The following NTNG1 variants were observed in gnomAD, a reference collection of about 807,000 sequenced individuals.
The protein encoded by NTNG1 is netrin-G1.
In NTNG1, 16 loss-of-function variants were observed where a neutral mutation model predicts 54.0. The observed-to-expected ratio is 0.30, with a 90% CI of 0.20 to 0.45. The LOEUF (loss-of-function observed/expected upper bound fraction) is 0.45. NTNG1 is among the 20% of genes least tolerant of loss of function. NTNG1 has a pLI of 1.00. For missense variants in NTNG1, 530 were observed against 678.7 expected, an observed-to-expected ratio of 0.78 and a Z score of 2.43; for synonymous variants, 255 against 263.1, an observed-to-expected ratio of 0.97 and a Z score of 0.30.
intron 2 of NTNG1, among the ~76,000 whole-genome samples, chr1:107,285,553 CT>C (rs1665140826): frequency 6.6e-6 from 1 of 152,014 alleles, no homozygotes; most frequent in Non-Finnish European, 1.5e-5. Context: ...AATAAGGCAG[CT>C]TTTTAATATA....
chr1:107,382,214 C>A lies in NTNG1; in HGVS notation c.888-12940C>A, dbSNP rs531606346. 1.6e-4 allele frequency among the ~76,000 whole-genome samples: 25 copies of A among 152,222 alleles called. No homozygotes were observed. In the East Asian group the frequency reaches 4.8e-3, roughly 29 times the overall value. On this transcript the variant is annotated intron_variant, in intron 3 of 7. Transcript: ENST00000370068. ...GTGTGCAAAAGCTACAGCATGCAAC[C>A]TCACTACAACTTAGATATTGCCAGA...
Position 107,174,472 on chromosome 1 carries a change from TC to T in NTNG1, c.246+25634del, listed in dbSNP as rs543471731. ...TGATCCTTTTTGAAAGTTCTTTTGT[TC>T]TTCTGTAGAAGCCATTAGGTTACTT... On this transcript the variant is annotated intron_variant, in intron 2 of 7. Coordinates refer to ENST00000370068, the MANE Select transcript of NTNG1 (RefSeq NM_001113226.3). Among the ~76,000 whole-genome samples, 610 of 152,228 alleles carry T rather than the reference TC, an allele frequency of 4.0e-3. 3 individuals carry two copies. The highest frequency in any genetic ancestry group is 4.9e-3 in the Non-Finnish European group (331 of 68,000).
At chr1:107,470,292 T>C (rs1677897810) in intron 7 of NTNG1, among the ~76,000 whole-genome samples, 2 of 152,196 alleles carry the variant, frequency 1.3e-5, no homozygotes, top group African/African-American at 4.8e-5. Flanking sequence ...AAGACACATA[T>C]TTCTAAAAAA....
chr1:107,257,801 A>G (rs930125285), intron 2 of NTNG1, among the ~76,000 whole-genome samples: 1 of 152,216 alleles, frequency 6.6e-6, no homozygotes, highest in Non-Finnish European at 1.5e-5. Flanking sequence ...TCACAGATGC[A>G]GCTTGCTAGA....
chr1:107,444,586 C>A (rs1416285270), intron 7 of NTNG1, among the ~76,000 whole-genome samples: 2 of 152,160 alleles, frequency 1.3e-5, no homozygotes, highest in Non-Finnish European at 2.9e-5. Context: ...CAGAGAGGGG[C>A]CTCCACTTTG....
chr1:107,475,972 T>C (rs887239236), intron 7 of NTNG1, among the ~76,000 whole-genome samples: 2 of 152,222 alleles, frequency 1.3e-5, no homozygotes, highest in African/African-American at 4.8e-5. Flanking sequence ...AAGACATCCA[T>C]TAAATGTTAA....
At chr1:107,358,244 A>G (rs1004963160) in intron 3 of NTNG1, among the ~76,000 whole-genome samples, 1 of 152,160 alleles carries the variant, frequency 6.6e-6, no homozygotes. Context: ...AGAAATATTA[A>G]GTGCTACCTC....
intron 2 of NTNG1, among the ~76,000 whole-genome samples, chr1:107,208,470 TGGAG>T (rs1224066634): frequency 6.8e-6 from 1 of 148,052 alleles, no homozygotes; most frequent in Non-Finnish European, 1.5e-5. Flanking sequence ...AGAAAAGAAA[TGGAG>T]GGAATACTTC....
At chr1:107,376,643 G>A (rs975101402) in intron 3 of NTNG1, among the ~76,000 whole-genome samples, 2 of 151,970 alleles carry the variant, frequency 1.3e-5, no homozygotes, top group African/African-American at 4.8e-5. Flanking sequence ...ATTTTGTTTT[G>A]TTTCTGTTTT....
chr1:107,177,549 G>C (rs943839990), intron 2 of NTNG1, among the ~76,000 whole-genome samples: 3 of 152,086 alleles, frequency 2.0e-5, no homozygotes, highest in African/African-American at 7.2e-5. Context: ...TGGCCAGCCT[G>C]GTCTCAAACT....
chr1:107,186,871 T>A (rs910209323), intron 2 of NTNG1, among the ~76,000 whole-genome samples: 2 of 152,202 alleles, frequency 1.3e-5, no homozygotes, highest in African/African-American at 4.8e-5. Context: ...ACCTGGATTA[T>A]CTCTTGCGAT....
intron 3 of NTNG1, among the ~76,000 whole-genome samples, chr1:107,331,686 C>T (rs2101898268): frequency 6.6e-6 from 1 of 152,152 alleles, no homozygotes; most frequent in Non-Finnish European, 1.5e-5. Flanking sequence ...TGGAAATAGC[C>T]AACTACCTTC....
intron 3 of NTNG1, among the ~76,000 whole-genome samples, chr1:107,375,204 ACTCTAGCATC>A (rs1671157990): frequency 6.6e-6 from 1 of 151,892 alleles, no homozygotes. Context: ...CTTAGCCTTG[ACTCTAGCATC>A]CTCAGTCCCC....
intron 5 of NTNG1, among the ~76,000 whole-genome samples, chr1:107,421,692 G>T (rs1172129783): frequency 1.3e-5 from 2 of 152,108 alleles, no homozygotes; most frequent in Non-Finnish European, 2.9e-5. Flanking sequence ...TTAAATGAAA[G>T]TGAGCAGCAT....
chr1:107,347,355 CATT>C (rs1669310769), intron 3 of NTNG1, among the ~76,000 whole-genome samples: 1 of 151,968 alleles, frequency 6.6e-6, no homozygotes, highest in African/African-American at 2.4e-5. Context: ...ATCTAGAAAA[CATT>C]AGAAAAATTA....
At chr1:107,330,242 C>T (rs761845024) in intron 3 of NTNG1, among the ~76,000 whole-genome samples, 1 of 152,136 alleles carries the variant, frequency 6.6e-6, no homozygotes, top group East Asian at 1.9e-4. Flanking sequence ...GGATTCCTAC[C>T]TCTTTCTCTC....
intron 3 of NTNG1, among the ~76,000 whole-genome samples, chr1:107,332,574 A>C (rs1008652889): frequency 6.6e-6 from 1 of 151,964 alleles, no homozygotes; most frequent in Admixed American, 6.6e-5. Context: ...TGTACCTAGG[A>C]TCAGAGTTTT....
At chr1:107,465,449 C>A (rs1677541770) in intron 7 of NTNG1, among the ~76,000 whole-genome samples, 1 of 152,158 alleles carries the variant, frequency 6.6e-6, no homozygotes, top group African/African-American at 2.4e-5. Context: ...AAGAAATGCA[C>A]ATGGAAAAGG....
At chr1:107,362,264 A>G (rs781781249) in intron 3 of NTNG1, among the ~76,000 whole-genome samples, 8 of 152,206 alleles carry the variant, frequency 5.3e-5, no homozygotes, top group African/African-American at 1.4e-4. Flanking sequence ...ACCTTGCCCA[A>G]AGGAATAACT....
Sources: gnomAD v4.1 joint callset for allele counts (sites outside exome capture counted in the v4.1 genomes callset) on GRCh38, gnomAD v4.1.1 for gene constraint, MANE v1.5 for transcripts, NCBI Gene and HGNC (gene_info 2026-07-23, HGNC 2026-07-21) for gene names.